The following GLI2 variants were observed in gnomAD, a reference collection of about 807,000 sequenced individuals.
GLI2 encodes the protein GLI family zinc finger 2.
A neutral mutation model predicts 78.9 loss-of-function variants in GLI2; 22 were observed. The observed-to-expected ratio is 0.28, with a 90% confidence interval of 0.20 to 0.40. The LOEUF (loss-of-function observed/expected upper bound fraction) is 0.40. Among genes scored for constraint, GLI2 ranks in the 10% least tolerant of loss-of-function variants. The pLI, the probability that GLI2 is intolerant of heterozygous loss-of-function variation, is 1.00. For synonymous variants in GLI2, 974 were observed against 963.7 expected (o/e 1.01, Z -0.20); for missense variants, 2,097 against 2,213.2 (o/e 0.95, Z 1.05).
At chr2:120,786,572 A>C (rs1684003106) in intron 1 of GLI2, among the ~76,000 whole-genome samples, 1 of 152,124 alleles carries the variant, frequency 6.6e-6, no homozygotes, top group Non-Finnish European at 1.5e-5. Context: ...CATCTTGAAA[A>C]TGGTTGTGCT....
intron 2 of GLI2, among the ~76,000 whole-genome samples, chr2:120,846,979 C>T (rs1687147984): frequency 6.6e-6 from 1 of 152,020 alleles, no homozygotes; most frequent in Non-Finnish European, 1.5e-5. Context: ...CTAATAAAGT[C>T]TTGGCCTGTG....
intron 2 of GLI2, among the ~76,000 whole-genome samples, chr2:120,892,588 G>A (rs1020036860): frequency 6.6e-6 from 1 of 152,214 alleles, no homozygotes; most frequent in Non-Finnish European, 1.5e-5. Flanking sequence ...CTGCACCTGC[G>A]TGTTTGTGCC....
intron 2 of GLI2, among the ~76,000 whole-genome samples, chr2:120,890,874 C>T (rs1049131962): frequency 4.6e-5 from 7 of 152,152 alleles, no homozygotes; most frequent in African/African-American, 1.7e-4. Flanking sequence ...CTTCGTGAAG[C>T]TGGTACCCAG....
At chr2:120,947,975 C>T (rs997864277) in intron 3 of GLI2, among the ~76,000 whole-genome samples, 6 of 152,216 alleles carry the variant, frequency 3.9e-5, no homozygotes, top group African/African-American at 1.4e-4. Flanking sequence ...GGAGGCTGGC[C>T]TGTCTCTCCA....
intron 2 of GLI2, among the ~76,000 whole-genome samples, chr2:120,918,788 T>A (rs1679225675): frequency 6.6e-6 from 1 of 152,208 alleles, no homozygotes; most frequent in Admixed American, 6.5e-5. Context: ...ATTCCTATTT[T>A]ACAGATGATG....
intron 13 of GLI2, 115 bp downstream of exon 13, chr2:120,986,729 C>T (rs1480772895): frequency 1.2e-6 from 1 of 813,436 alleles, no homozygotes; most frequent in East Asian, 2.6e-5. Context: ...CAGGATCTTA[C>T]CAGCCCAGTA....
At chr2:120,967,257 G>A (rs1033688882) in intron 5 of GLI2, among the ~76,000 whole-genome samples, 1 of 152,206 alleles carries the variant, frequency 6.6e-6, no homozygotes, top group East Asian at 1.9e-4. Context: ...ACAGGCCCAA[G>A]CATTTACTGT....
intron 3 of GLI2, among the ~76,000 whole-genome samples, chr2:120,929,051 C>T (rs912982793): frequency 3.3e-5 from 5 of 152,180 alleles, no homozygotes; most frequent in Non-Finnish European, 7.3e-5. Flanking sequence ...TCTCTTTTGT[C>T]TTTCATGACC....
intron 1 of GLI2, among the ~76,000 whole-genome samples, chr2:120,772,016 T>C (rs1449272416): frequency 1.3e-5 from 2 of 152,212 alleles, no homozygotes; most frequent in African/African-American, 4.8e-5. Context: ...GAGGTCATGC[T>C]ACTCCCTGAC....
chr2:120,859,356 C>T (rs1687798820), intron 2 of GLI2, among the ~76,000 whole-genome samples: 1 of 152,152 alleles, frequency 6.6e-6, no homozygotes, highest in African/African-American at 2.4e-5. Context: ...GGCCCCTTCC[C>T]CTCTTGAAGG....
intron 2 of GLI2, among the ~76,000 whole-genome samples, chr2:120,819,034 G>A (rs1040603325): frequency 6.6e-6 from 1 of 152,148 alleles, no homozygotes; most frequent in Non-Finnish European, 1.5e-5. Flanking sequence ...AAGGGCCTAG[G>A]GGGCTTTTAT....
chr2:120,841,157 AT>A (rs1215199790), intron 2 of GLI2, among the ~76,000 whole-genome samples: 2 of 152,242 alleles, frequency 1.3e-5, no homozygotes, highest in Admixed American at 1.3e-4. Context: ...AGAAACACAC[AT>A]TTTGAGAAAG....
intron 2 of GLI2, among the ~76,000 whole-genome samples, chr2:120,872,491 ATAC>A (rs1688516248): frequency 6.6e-6 from 1 of 152,244 alleles, no homozygotes; most frequent in Non-Finnish European, 1.5e-5. Flanking sequence ...GATGAAGGTC[ATAC>A]TGCAAAGTGG....
At chr2:120,772,942 C>T (rs540790242) in intron 1 of GLI2, among the ~76,000 whole-genome samples, 12 of 152,332 alleles carry the variant, frequency 7.9e-5, no homozygotes, top group African/African-American at 2.9e-4. Flanking sequence ...AGCCTTCCCT[C>T]CCCTCTCCTT....
intron 1 of GLI2, among the ~76,000 whole-genome samples, chr2:120,780,973 C>T (rs1020994107): frequency 6.6e-6 from 1 of 152,172 alleles, no homozygotes; most frequent in Non-Finnish European, 1.5e-5. Context: ...TGAGCTGGCT[C>T]ACCCCTCTGT....
chr2:120,895,139 G>C (rs1295606118), intron 2 of GLI2, among the ~76,000 whole-genome samples: 3 of 152,254 alleles, frequency 2.0e-5, no homozygotes, highest in African/African-American at 7.2e-5. Flanking sequence ...CCTGCAGGCT[G>C]GCCTGGCTTC....
intron 2 of GLI2, among the ~76,000 whole-genome samples, chr2:120,891,980 T>TCCCAC (rs994843423): frequency 1.4e-5 from 2 of 145,738 alleles, no homozygotes; most frequent in Admixed American, 6.8e-5. Context: ...CCCCTTCCCA[T>TCCCAC]CCCACCCCAC....
rs1454699670 is a variant in GLI2 at position 120,962,511 on chromosome 2, C to T, written c.644-6203C>T. Among the ~76,000 whole-genome samples, 5 of 152,172 alleles carry T rather than the reference C, an allele frequency of 3.3e-5. No individual in the cohort carries two copies. In the East Asian group the frequency reaches 7.7e-4, roughly 23 times the overall value. ...AAACATGTGAATGAGCAACAGAAAG[C>T]GCTAGTGGGTGAAGCAAGGTCCAGA... On this transcript the variant is annotated intron_variant, in intron 5 of 13. Coordinates refer to ENST00000361492, the MANE Select transcript of GLI2 (RefSeq NM_001374353.1).
At chr2:120,983,968 TGTG>T (rs1312864427) in intron 11 of GLI2, among the ~76,000 whole-genome samples, 1 of 151,770 alleles carries the variant, frequency 6.6e-6, no homozygotes, top group Non-Finnish European at 1.5e-5. Flanking sequence ...TGTGTGTGTG[TGTG>T]TGTGTGTGCA....
Sources: gnomAD v4.1 joint callset for allele counts (sites outside exome capture counted in the v4.1 genomes callset) on GRCh38, gnomAD v4.1.1 for gene constraint, MANE v1.5 for transcripts, NCBI Gene and HGNC (gene_info 2026-07-23, HGNC 2026-07-21) for gene names.